Variants in ARHGAP15 observed in about 807,000 individuals in gnomAD.
ARHGAP15 encodes Rho GTPase activating protein 15, also known as rho GTPase-activating protein 15.
In ARHGAP15, 51 loss-of-function variants were observed where a neutral mutation model predicts 63.7. The ratio of observed to expected loss-of-function variants is 0.80; its 90% confidence interval spans 0.64 to 1.01. The LOEUF is 1.01. Among genes scored for constraint, ARHGAP15 ranks in the 50% least tolerant of loss-of-function variants. ARHGAP15 has a pLI of 0.00. For synonymous variants in ARHGAP15, 191 were observed against 193.8 expected (o/e 0.99, Z 0.12); for missense variants, 560 against 564.6 (o/e 0.99, Z 0.08).
chr2:143,741,854 C>T (rs534354403), intron 13 of ARHGAP15, among the ~76,000 whole-genome samples: 1 of 152,206 alleles, frequency 6.6e-6, no homozygotes, highest in East Asian at 1.9e-4. Context: ...AGATATATGA[C>T]ATGAAGAATG....
rs145366565 is a variant in ARHGAP15, at chr2:143,222,292, T to A, written c.296+5847T>A. 3.7e-3 allele frequency among the ~76,000 whole-genome samples: 558 copies of A among 152,322 alleles called. 5 individuals are homozygous for A. The highest frequency in any genetic ancestry group is 0.013 in the African/African-American group (537 of 41,576). On this transcript the variant is annotated intron_variant, in intron 4 of 13. Coordinates refer to ENST00000295095, the MANE Select transcript of ARHGAP15 (RefSeq NM_018460.4). ...ATTACTTTCACTCCCATCACTGGTG[T>A]GGAATCAAGTCAAATCCAGCATGAC... is the stretch of plus-strand genomic sequence containing the variant.
chr2:143,747,550 C>T (rs1218822219), intron 13 of ARHGAP15, among the ~76,000 whole-genome samples: 1 of 152,138 alleles, frequency 6.6e-6, no homozygotes, highest in Non-Finnish European at 1.5e-5. Context: ...CCCTCCCTCC[C>T]CAAAACCTCT....
intron 12 of ARHGAP15, among the ~76,000 whole-genome samples, chr2:143,701,106 A>G (rs1684070198): frequency 6.6e-6 from 1 of 152,060 alleles, no homozygotes; most frequent in South Asian, 2.1e-4. Flanking sequence ...TGTGGGAGGC[A>G]TTATTTATAG....
intron 6 of ARHGAP15, among the ~76,000 whole-genome samples, chr2:143,278,357 T>G (rs1455097625): frequency 2.0e-5 from 3 of 152,172 alleles, no homozygotes; most frequent in Non-Finnish European, 4.4e-5. Flanking sequence ...GGACTAGAAC[T>G]GATCACATGC....
At chr2:143,708,940 T>C (rs1684451114) in intron 13 of ARHGAP15, among the ~76,000 whole-genome samples, 1 of 152,144 alleles carries the variant, frequency 6.6e-6, no homozygotes, top group Admixed American at 6.5e-5. Flanking sequence ...TAAACACTCC[T>C]AGAATCTTAT....
intron 6 of ARHGAP15, among the ~76,000 whole-genome samples, chr2:143,332,193 TATACAA>T (rs1684578646): frequency 6.6e-6 from 1 of 152,170 alleles, no homozygotes; most frequent in Admixed American, 6.5e-5. Context: ...GGGAACTGGT[TATACAA>T]ATACATTATT....
At chr2:143,648,217 C>T (rs548241840) in intron 12 of ARHGAP15, among the ~76,000 whole-genome samples, 10 of 152,106 alleles carry the variant, frequency 6.6e-5, no homozygotes, top group African/African-American at 2.4e-4. Context: ...AAACTTTAGC[C>T]TTCTTGTATG....
intron 2 of ARHGAP15, among the ~76,000 whole-genome samples, chr2:143,183,931 A>G (rs561401593): frequency 1.3e-5 from 2 of 152,098 alleles, no homozygotes; most frequent in Admixed American, 6.5e-5. Context: ...CTCTGCTGTG[A>G]TTGCCCTTGC....
At chr2:143,181,862 T>G (rs1287563484) in intron 2 of ARHGAP15, among the ~76,000 whole-genome samples, 4 of 152,208 alleles carry the variant, frequency 2.6e-5, no homozygotes, top group Non-Finnish European at 5.9e-5. Flanking sequence ...ATTCACAACT[T>G]GACTGGCACA....
At chr2:143,600,324 A>G (rs1378826854) in intron 11 of ARHGAP15, among the ~76,000 whole-genome samples, 2 of 152,198 alleles carry the variant, frequency 1.3e-5, no homozygotes, top group East Asian at 1.9e-4. Context: ...AGTTCCTATT[A>G]TCTTTTAGTC....
chr2:143,385,784 T>G (rs1189333882), intron 6 of ARHGAP15, among the ~76,000 whole-genome samples: 1 of 152,086 alleles, frequency 6.6e-6, no homozygotes, highest in Non-Finnish European at 1.5e-5. Flanking sequence ...GCAAAAGTAT[T>G]TTTTCTTTAG....
chr2:143,268,010 A>G (rs1209923273), intron 6 of ARHGAP15, among the ~76,000 whole-genome samples: 1 of 152,078 alleles, frequency 6.6e-6, no homozygotes, highest in African/African-American at 2.4e-5. Flanking sequence ...AACCATCTGT[A>G]TTTTCAGAAT....
At chr2:143,326,002 T>A (rs185212184) in intron 6 of ARHGAP15, among the ~76,000 whole-genome samples, 8 of 152,228 alleles carry the variant, frequency 5.3e-5, no homozygotes, top group African/African-American at 1.7e-4. Context: ...TGGTGGTAAA[T>A]TATAGGGTCT....
At position 143,136,920 on chromosome 2, in the gene ARHGAP15, T is replaced by A. The variant is rs75346242; in HGVS notation, c.-15+7454T>A. ...ATAGGTACATCAGAATATCTTGAATTCAATCACTTCTTTCCACTTCCACTG... is the reference window on the plus strand; with the variant it reads ...ATAGGTACATCAGAATATCTTGAATACAATCACTTCTTTCCACTTCCACTG... On this transcript the variant is annotated intron_variant, in intron 1 of 13. Coordinates refer to ENST00000295095, the MANE Select transcript of ARHGAP15 (RefSeq NM_018460.4). 8.1e-4 allele frequency among the ~76,000 whole-genome samples: 123 copies of A among 152,172 alleles called. No homozygotes were observed. The East Asian group carries it at 0.013, about 16-fold the overall frequency.
intron 8 of ARHGAP15, among the ~76,000 whole-genome samples, chr2:143,479,540 T>C (rs1558999235): frequency 6.6e-6 from 1 of 152,130 alleles, no homozygotes; most frequent in Non-Finnish European, 1.5e-5. Context: ...TTTCTTCTTT[T>C]TTTTAGTAAT....
At chr2:143,324,463 GA>G in intron 6 of ARHGAP15, among the ~76,000 whole-genome samples, 1 of 152,150 alleles carries the variant, frequency 6.6e-6, no homozygotes, top group East Asian at 1.9e-4. Context: ...TTCCGTGGAA[GA>G]AATACTTATT....
At chr2:143,621,607 C>T (rs77735191) in intron 11 of ARHGAP15, among the ~76,000 whole-genome samples, 4,343 of 152,182 alleles carry the variant, frequency 0.029, 91 homozygotes, top group South Asian at 0.072. Flanking sequence ...AGCTACTTGC[C>T]GAAGGGCTAC....
At chr2:143,497,710 C>T (rs527266843) in intron 9 of ARHGAP15, among the ~76,000 whole-genome samples, 4 of 152,088 alleles carry the variant, frequency 2.6e-5, no homozygotes, top group South Asian at 2.1e-4. Context: ...CATTGTGTGG[C>T]GAGGTGGATA....
At chr2:143,588,849 G>C (rs1697209928) in intron 11 of ARHGAP15, among the ~76,000 whole-genome samples, 1 of 152,002 alleles carries the variant, frequency 6.6e-6, no homozygotes, top group Non-Finnish European at 1.5e-5. Flanking sequence ...TTTTTGGATT[G>C]GGCAAGTTTT....
Sources: gnomAD v4.1 joint callset for allele counts (sites outside exome capture counted in the v4.1 genomes callset) on GRCh38, gnomAD v4.1.1 for gene constraint, MANE v1.5 for transcripts, NCBI Gene and HGNC (gene_info 2026-07-23, HGNC 2026-07-21) for gene names.